MYOM3: variants seen among roughly 807,000 people sequenced by gnomAD.
MYOM3 encodes myomesin-3.
MYOM3 carries 155 observed loss-of-function variants against 191.7 expected under a neutral mutation model. That is an observed-to-expected ratio of 0.81 (90% CI 0.71 to 0.92). The LOEUF (loss-of-function observed/expected upper bound fraction) is 0.92, where lower values mean the gene tolerates loss of function less well. Ranked by LOEUF, MYOM3 falls within the 40% of genes least tolerant of loss-of-function variation. The pLI, the probability that MYOM3 is intolerant of heterozygous loss-of-function variation, is 0.00. For missense variants in MYOM3, 1,889 were observed against 1,890.6 expected, an observed-to-expected ratio of 1.00 and a Z score of 0.02; for synonymous variants, 757 against 762.9, an observed-to-expected ratio of 0.99 and a Z score of 0.13.
chr1:24,084,358 G>A (rs771487318), intron 16 of MYOM3, 110 bp downstream of exon 16: 61 of 1,244,622 alleles, frequency 4.9e-5, no homozygotes, highest in African/African-American at 1.9e-4. Flanking sequence ...TGTATAGGTC[G>A]CAGAACTGTG....
rs367786321 is a variant in MYOM3 at position 24,076,545 on chromosome 1, G to A, written c.2587-272C>T. Among the ~76,000 whole-genome samples the A allele has an allele frequency of 2.4e-3, 96 of 40,062 alleles. 1 individual carries two copies. The highest frequency in any genetic ancestry group is 4.7e-3 in the Admixed American group (12 of 2,572). The allele number at this position is 40,062 out of a possible 152,430, so 26.3% of individuals were successfully genotyped here. ...TTTTTTTTTTTTGAGACGGAGTCTC[G>A]CTCTGTCGCCCAGGCTGGAGTGCAG... On this transcript the variant is annotated intron_variant, in intron 20 of 36. Coordinates refer to ENST00000374434, the MANE Select transcript of MYOM3 (RefSeq NM_152372.4).
intron 25 of MYOM3, among the ~76,000 whole-genome samples, chr1:24,068,911 A>C (rs1370751462): frequency 6.6e-6 from 1 of 151,934 alleles, no homozygotes; most frequent in Non-Finnish European, 1.5e-5. Context: ...TTTAGTAGAG[A>C]CTGGGTTTCA....
chr1:24,084,304 G>A (rs771155026), intron 16 of MYOM3, 164 bp downstream of exon 16: 10 of 701,114 alleles, frequency 1.4e-5, no homozygotes, highest in South Asian at 7.5e-5. Flanking sequence ...CTCGCCTTCC[G>A]CCATAATCAT....
chr1:24,108,374 C>A (rs1003671245), intron 2 of MYOM3, 102 bp downstream of exon 2: 3 of 1,252,398 alleles, frequency 2.4e-6, no homozygotes, highest in Non-Finnish European at 1.1e-6. Context: ...GTCCCTCCCC[C>A]CATCAGGTTG....
chr1:24,059,092 C>G, intron 35 of MYOM3, 113 bp from the exon 36 acceptor site: 2 of 720,766 alleles, frequency 2.8e-6, no homozygotes, highest in Middle Eastern at 5.0e-4. Context: ...TTTCCTTTTT[C>G]TATTTTCATT....
intron 24 of MYOM3, among the ~76,000 whole-genome samples, chr1:24,071,479 G>T (rs1380617042): frequency 6.6e-6 from 1 of 152,218 alleles, no homozygotes; most frequent in Non-Finnish European, 1.5e-5. Context: ...TGGGGCTGCA[G>T]TTCTCAACCT....
chr1:24,075,065 C>A (rs185603238), intron 22 of MYOM3, among the ~76,000 whole-genome samples: 2 of 146,358 alleles, frequency 1.4e-5, no homozygotes, highest in Admixed American at 6.7e-5. Context: ...TAGAGCAAGA[C>A]CCTGTCTCAA....
chr1:24,066,068 G>A, intron 28 of MYOM3, 67 bp from the exon 29 acceptor site: 1 of 1,017,794 alleles, frequency 9.8e-7, no homozygotes, highest in Non-Finnish European at 1.6e-6. Context: ...ACACACCTGT[G>A]CACACTTTCA....
At position 24,107,134 on chromosome 1, in the gene MYOM3, G is replaced by A. The variant is rs753792744; in HGVS notation, c.341C>T (p.Ala114Val). ...CAGCAGCCGGTGGGTCTGCAGGAAG[G>A]CGATCTCAGTCCTCTCCCAGTCATT... is the stretch of plus-strand genomic sequence containing the variant. Reference protein sequence around the residue: ...FGNDWERTEIAFLQTHRLLRQ... With the variant: ...FGNDWERTEIVFLQTHRLLRQ... Residue 114 changes from alanine (A) to valine (V), a missense_variant, in exon 4 of 37, where the codon GCC becomes GTC. By Grantham distance (64) the Ala-to-Val change is moderately conservative. Coordinates refer to ENST00000374434, the MANE Select transcript of MYOM3 (RefSeq NM_152372.4). The A allele has an allele frequency of 1.2e-6, 2 of 1,612,624 alleles. No individual in the cohort carries two copies. Among genetic ancestry groups the A allele is most frequent in the Middle Eastern group, 1.7e-4 (1 of 6,058 alleles).
chr1:24,082,686 T>C lies in MYOM3; in HGVS notation c.1999A>G (p.Lys667Glu), dbSNP rs555559690. Residue 667 changes from lysine (K) to glutamate (E), a missense_variant, in exon 17 of 37, where the codon AAG becomes GAG. Lys to Glu is a moderately conservative substitution (Grantham distance 56, BLOSUM62 1). Transcript: ENST00000374434. ...RFTVPGLRTG[K>E]EYEFCVRSVS... Reference sequence around the variant, plus strand: ...GACCTGACACAAAACTCGTACTCCTTCCCCGTCCTCAGCCCGGGAACTGTA... The same window carrying C: ...GACCTGACACAAAACTCGTACTCCTCCCCCGTCCTCAGCCCGGGAACTGTA... 3.7e-6 allele frequency: 6 copies of C among 1,610,526 alleles called. No homozygotes were observed. In the South Asian group the frequency reaches 5.5e-5, roughly 15 times the overall value.
At chr1:24,078,089 C>T (rs1245094661) in intron 20 of MYOM3, among the ~76,000 whole-genome samples, 1 of 151,956 alleles carries the variant, frequency 6.6e-6, no homozygotes, top group Non-Finnish European at 1.5e-5. Flanking sequence ...CAGAGATGAC[C>T]AGAATGGACC....
In MYOM3 at chr1:24,057,520, C is replaced by A; in HGVS notation, c.4158G>T (p.Arg1386Ser). Reference sequence around the variant, plus strand: ...CAATGGTGATGGTGACCTCTGTCCCCCTCACTTCCATGCGGTATCGGTCAA... The same window carrying A: ...CAATGGTGATGGTGACCTCTGTCCCACTCACTTCCATGCGGTATCGGTCAA... ...TFLDRYRMEV[R>S]GTEVTITIEK... Residue 1386 changes from arginine to serine, a missense_variant, in exon 37 of 37, where the codon AGG becomes AGT. Transcript: ENST00000374434. 6.2e-7 allele frequency: 1 copy of A among 1,614,222 alleles called. No individual in the cohort carries two copies. Among genetic ancestry groups the A allele is most frequent in the South Asian group, 1.1e-5 (1 of 91,088 alleles).
In MYOM3 at chr1:24,074,285, G is replaced by A. The variant is rs375445833; in HGVS notation, c.2859-16C>T. The A allele has an allele frequency of 1.2e-5, 19 of 1,598,270 alleles. No homozygotes were observed. The highest frequency in any genetic ancestry group is 8.4e-5 in the Admixed American group (5 of 59,832). ...GACCTTGGACCTGGCAGAGAGAGGA[G>A]AGCAGAGGCTCTGGGAGGAGCTCCT... is the stretch of plus-strand genomic sequence containing the variant. On this transcript the variant is annotated splice_polypyrimidine_tract_variant and intron_variant, in intron 22 of 36. Transcript: ENST00000374434.
chr1:24,076,059 C>T, intron 21 of MYOM3, 100 bp downstream of exon 21: 1 of 881,122 alleles, frequency 1.1e-6, no homozygotes, highest in Non-Finnish European at 1.8e-6. Context: ...AGTGTGAGGG[C>T]CTAGCACAGC....
rs945403704 is a variant in MYOM3 at position 24,095,326 on chromosome 1, C to T, written c.790+116G>A. The T allele has an allele frequency of 2.9e-4, 296 of 1,036,120 alleles. 2 individuals carry two copies. The highest frequency in any genetic ancestry group is 3.9e-4 in the Non-Finnish European group (269 of 691,992). The allele number at this position is 1,036,120 out of a possible 1,614,324, so 64.2% of individuals were successfully genotyped here. A position where few individuals can be genotyped will look rare whatever the true frequency, so the allele number is the denominator to read the frequency against. ...GTATTACCAGCTCATAGACAAACCC[C>T]GGTGGACGTCCTTTTATGGGCAGGG... On this transcript the variant is annotated intron_variant, in intron 8 of 36. Coordinates refer to ENST00000374434, the MANE Select transcript of MYOM3 (RefSeq NM_152372.4).
intron 19 of MYOM3, among the ~76,000 whole-genome samples, chr1:24,080,542 G>A (rs760387039): frequency 6.6e-6 from 1 of 152,120 alleles, no homozygotes; most frequent in Non-Finnish European, 1.5e-5. Flanking sequence ...GACCTCTGGG[G>A]TTCATGTCAA....
chr1:24,101,863 C>T (rs565781325), intron 5 of MYOM3, among the ~76,000 whole-genome samples: 14 of 152,276 alleles, frequency 9.2e-5, no homozygotes, highest in African/African-American at 2.4e-4. Flanking sequence ...TCTTGTTCCC[C>T]GTGTTGTGTG....
intron 36 of MYOM3, among the ~76,000 whole-genome samples, chr1:24,057,956 G>A (rs12142134): frequency 0.1 from 15,595 of 152,010 alleles, 971 homozygotes; most frequent in Middle Eastern, 0.2. Flanking sequence ...ACAGGTGCCC[G>A]CCACCAAGCC....
intron 5 of MYOM3, 37 bp downstream of exon 5, chr1:24,105,883 C>G (rs781214498): frequency 7.7e-6 from 12 of 1,561,746 alleles, no homozygotes; most frequent in Admixed American, 3.7e-5. Flanking sequence ...CTTGTGACCC[C>G]AGAGGCCCAG....
Sources: allele counts gnomAD v4.1 joint callset (sites outside exome capture counted in the v4.1 genomes callset), GRCh38; gene constraint gnomAD v4.1.1; transcripts MANE v1.5; gene names NCBI Gene and HGNC (gene_info 2026-07-23, HGNC 2026-07-21).